Variants in DKK2 observed in about 807,000 individuals in gnomAD.
DKK2 encodes dickkopf-related protein 2.
DKK2 carries 11 observed loss-of-function variants against 28.1 expected under a neutral mutation model. That is an observed-to-expected ratio of 0.39 (90% confidence interval 0.25 to 0.65). The LOEUF (loss-of-function observed/expected upper bound fraction) is 0.65. Among genes scored for constraint, DKK2 ranks in the 30% least tolerant of loss-of-function variants. DKK2 has a pLI of 0.47. For missense variants in DKK2, 326 were observed against 335.5 expected, an observed-to-expected ratio of 0.97 and a Z score of 0.22; for synonymous variants, 135 against 126.5, an observed-to-expected ratio of 1.07 and a Z score of -0.45.
intron 1 of DKK2, among the ~76,000 whole-genome samples, chr4:106,947,092 T>C (rs1724788662): frequency 6.6e-6 from 1 of 152,158 alleles, no homozygotes; most frequent in Non-Finnish European, 1.5e-5. Context: ...ACAAAGTGTT[T>C]ACTTTCAATC....
At chr4:106,976,070 T>G (rs980870846) in intron 1 of DKK2, among the ~76,000 whole-genome samples, 2 of 152,218 alleles carry the variant, frequency 1.3e-5, no homozygotes, top group African/African-American at 4.8e-5. Flanking sequence ...TTCTTAATCC[T>G]GAGTTCTAAT....
At chr4:107,004,902 T>C (rs528514869) in intron 1 of DKK2, among the ~76,000 whole-genome samples, 24 of 152,012 alleles carry the variant, frequency 1.6e-4, no homozygotes, top group Non-Finnish European at 1.0e-4. Context: ...ACTTTAAACA[T>C]GAAAGAAGGG....
Position 106,939,804 on chromosome 4 carries a change from G to A in DKK2, c.223-13855C>T, listed in dbSNP as rs1425951789. Among the ~76,000 whole-genome samples the A allele has an allele frequency of 1.3e-3, 197 of 152,004 alleles. 2 individuals carry two copies. The Middle Eastern group carries it at 0.017, about 13-fold the overall frequency. On this transcript the variant is annotated intron_variant, in intron 1 of 3. Coordinates refer to ENST00000285311, the MANE Select transcript of DKK2 (RefSeq NM_014421.3). ...GAACAGAGCCCTCAGAAATAATGCTGCATATCTACAACTATCTGATCTTTG... is the reference window on the plus strand; with the variant it reads ...GAACAGAGCCCTCAGAAATAATGCTACATATCTACAACTATCTGATCTTTG...
intron 1 of DKK2, among the ~76,000 whole-genome samples, chr4:106,945,179 A>G (rs1724758344): frequency 6.6e-6 from 1 of 152,178 alleles, no homozygotes; most frequent in South Asian, 2.1e-4. Context: ...CCCTTGAAAT[A>G]AAACAGTTCA....
chr4:107,035,661 C>G lies in DKK2; in HGVS notation c.-70G>C. On this transcript the variant is annotated 5_prime_UTR_variant, in exon 1 of 4. Coordinates refer to ENST00000285311, the MANE Select transcript of DKK2 (RefSeq NM_014421.3). ...TGGGAATGCAAAGGGAGGGAGGACCCCAACACGGGGCCCCTCACTTGGGTC... is the reference window on the plus strand; with the variant it reads ...TGGGAATGCAAAGGGAGGGAGGACCGCAACACGGGGCCCCTCACTTGGGTC... 1.3e-6 allele frequency: 2 copies of G among 1,555,624 alleles called. No individual in the cohort carries two copies.
chr4:107,014,203 AT>A (rs1723558009), intron 1 of DKK2, among the ~76,000 whole-genome samples: 1 of 151,538 alleles, frequency 6.6e-6, no homozygotes, highest in Non-Finnish European at 1.5e-5. Flanking sequence ...TTATTGTAGC[AT>A]GATTTACAAT....
At position 106,957,912 on chromosome 4, in the gene DKK2, AAATTAATT is replaced by A. The variant is rs539263383; in HGVS notation, c.223-31971_223-31964del. Among the ~76,000 whole-genome samples, 791 of 150,728 alleles carry A rather than the reference AAATTAATT, an allele frequency of 5.2e-3. 4 individuals are homozygous for A. Among genetic ancestry groups the A allele is most frequent in the African/African-American group, 0.017 (709 of 41,160 alleles). On this transcript the variant is annotated intron_variant, in intron 1 of 3. Transcript: ENST00000285311. ...AAAACTTAAAGTATAATAATAATTA[AAATTAATT>A]AATTAATTAATTAATTAATTTTAAA...
At chr4:107,006,112 G>T (rs1486673305) in intron 1 of DKK2, among the ~76,000 whole-genome samples, 1 of 152,082 alleles carries the variant, frequency 6.6e-6, no homozygotes, top group Non-Finnish European at 1.5e-5. Flanking sequence ...AAAACCAAAG[G>T]TCTAGAAAGC....
At chr4:106,975,857 G>T (rs1722937480) in intron 1 of DKK2, among the ~76,000 whole-genome samples, 1 of 152,046 alleles carries the variant, frequency 6.6e-6, no homozygotes, top group Non-Finnish European at 1.5e-5. Context: ...GATCTTTTCT[G>T]CCTTTTCCTG....
rs1724386875 is a variant in DKK2, at chr4:106,924,038, G to T, written c.696C>A (p.Asp232Glu). 4 of 1,613,868 alleles carry T rather than the reference G, an allele frequency of 2.5e-6. No individual in the cohort carries two copies. Among genetic ancestry groups the T allele is most frequent in the Non-Finnish European group, 3.4e-6 (4 of 1,179,944 alleles). ...CTTTGCAAGACAGGCCCTTCGCACA[G>T]TCGCAACGCTGGAAAATTTCCAGCC... Reference protein sequence around the residue: ...SHGLEIFQRCDCAKGLSCKVW... With the variant: ...SHGLEIFQRCECAKGLSCKVW... The change falls in exon 4 of 4, where the codon GAC (aspartate) becomes GAA (glutamate). Residue 232 changes from aspartate (D) to glutamate (E), a missense_variant. By Grantham distance (45) the Asp-to-Glu change is conservative (BLOSUM62 2). Transcript: ENST00000285311.
At chr4:106,996,406 AG>A (rs1723273149) in intron 1 of DKK2, among the ~76,000 whole-genome samples, 1 of 152,312 alleles carries the variant, frequency 6.6e-6, no homozygotes, top group South Asian at 2.1e-4. Flanking sequence ...GCAGATTATA[AG>A]GTTAGTATGC....
chr4:106,926,067 C>A (rs1298196395), intron 1 of DKK2, 118 bp from the exon 2 acceptor site: 13 of 1,111,808 alleles, frequency 1.2e-5, no homozygotes, highest in East Asian at 2.6e-5. Context: ...CCGGAAGGAA[C>A]TATACCATCA....
At chr4:107,015,973 A>G (rs1379319799) in intron 1 of DKK2, among the ~76,000 whole-genome samples, 1 of 151,872 alleles carries the variant, frequency 6.6e-6, no homozygotes, top group Non-Finnish European at 1.5e-5. Context: ...AAATTTCAAT[A>G]CTTATGATAA....
chr4:106,988,763 AAAGT>A (rs1357889025), intron 1 of DKK2, among the ~76,000 whole-genome samples: 5 of 152,332 alleles, frequency 3.3e-5, no homozygotes, highest in African/African-American at 1.2e-4. Flanking sequence ...TTCTAGACTG[AAAGT>A]AAGAACAGGA....
intron 1 of DKK2, among the ~76,000 whole-genome samples, chr4:106,950,447 C>G (rs1417449119): frequency 6.6e-6 from 1 of 152,154 alleles, no homozygotes; most frequent in East Asian, 1.9e-4. Flanking sequence ...CACAGCAGCC[C>G]TACTGCACCT....
intron 1 of DKK2, among the ~76,000 whole-genome samples, chr4:106,943,874 C>T (rs910683418): frequency 1.3e-5 from 2 of 152,090 alleles, no homozygotes; most frequent in Non-Finnish European, 2.9e-5. Flanking sequence ...ATTCTTCAAG[C>T]CTATGGCATG....
intron 1 of DKK2, among the ~76,000 whole-genome samples, chr4:106,961,565 GCACACACACACA>G (rs34597899): frequency 7.3e-6 from 1 of 136,242 alleles, no homozygotes; most frequent in Non-Finnish European, 1.6e-5. Context: ...CCAACAGCCT[GCACACACACACA>G]CACACACACA....
chr4:106,945,329 A>G (rs1317210949), intron 1 of DKK2, among the ~76,000 whole-genome samples: 1 of 152,146 alleles, frequency 6.6e-6, no homozygotes, highest in Non-Finnish European at 1.5e-5. Flanking sequence ...AAAATTTGCT[A>G]AAAAGTTCAG....
intron 1 of DKK2, among the ~76,000 whole-genome samples, chr4:106,988,906 C>T (rs913126027): frequency 6.6e-6 from 1 of 152,152 alleles, no homozygotes; most frequent in Non-Finnish European, 1.5e-5. Context: ...ACAACACTGT[C>T]TAATGGGCCA....
Sources: allele counts gnomAD v4.1 joint callset (sites outside exome capture counted in the v4.1 genomes callset), GRCh38; gene constraint gnomAD v4.1.1; transcripts MANE v1.5; gene names NCBI Gene and HGNC (gene_info 2026-07-23, HGNC 2026-07-21).